The following NOSTRIN variants were observed in gnomAD, a reference collection of about 807,000 sequenced individuals.
NOSTRIN encodes the protein BM247 homolog.
In NOSTRIN, 63 loss-of-function variants were observed where a neutral mutation model predicts 59.0. The observed-to-expected ratio is 1.07, with a 90% CI of 0.87 to 1.32. NOSTRIN has a LOEUF of 1.32. NOSTRIN is among the 40% of genes most tolerant of loss of function. The pLI is 0.00. For synonymous variants in NOSTRIN, 200 were observed against 165.4 expected, an observed-to-expected ratio of 1.21 and a Z score of -1.61; for missense variants, 512 against 473.1, an observed-to-expected ratio of 1.08 and a Z score of -0.76.
At chr2:168,805,839 G>C (rs762371456) in intron 1 of NOSTRIN, among the ~76,000 whole-genome samples, 7 of 152,188 alleles carry the variant, frequency 4.6e-5, no homozygotes, top group Non-Finnish European at 7.3e-5. Context: ...GTAGCTCCTA[G>C]GAGAATCTGA....
At chr2:168,856,806 G>A in intron 12 of NOSTRIN, 28 bp downstream of exon 12, 2 of 1,594,954 alleles carry the variant, frequency 1.3e-6, no homozygotes, top group South Asian at 2.2e-5. Context: ...GCATTTCCTA[G>A]ATGTAGTGAT....
At chr2:168,807,578 T>C (rs949236281) in intron 1 of NOSTRIN, among the ~76,000 whole-genome samples, 1 of 152,202 alleles carries the variant, frequency 6.6e-6, no homozygotes, top group African/African-American at 2.4e-5. Context: ...ACATCTCTTA[T>C]CTGATCGCTA....
At chr2:168,849,441 C>T (rs963267606) in intron 8 of NOSTRIN, among the ~76,000 whole-genome samples, 8 of 151,880 alleles carry the variant, frequency 5.3e-5, no homozygotes, top group African/African-American at 1.9e-4. Flanking sequence ...CTGCAACCAC[C>T]ACCTCCCAGG....
At chr2:168,804,390 C>G (rs999571525) in intron 1 of NOSTRIN, among the ~76,000 whole-genome samples, 2 of 152,158 alleles carry the variant, frequency 1.3e-5, no homozygotes, top group African/African-American at 2.4e-5. Flanking sequence ...TCCCTTCAGC[C>G]TGGGTTTCCA....
At chr2:168,843,633 AG>A (rs1338081058) in intron 8 of NOSTRIN, among the ~76,000 whole-genome samples, 1 of 152,264 alleles carries the variant, frequency 6.6e-6, no homozygotes, top group African/African-American at 2.4e-5. Context: ...TATGTCAGCA[AG>A]CACATCACAA....
chr2:168,845,295 G>A (rs1436335024), intron 8 of NOSTRIN, among the ~76,000 whole-genome samples: 1 of 152,144 alleles, frequency 6.6e-6, no homozygotes, highest in Non-Finnish European at 1.5e-5. Context: ...TCTTTCCACT[G>A]AGGTCAGCTT....
chr2:168,812,412 T>C (rs895705654), intron 2 of NOSTRIN, among the ~76,000 whole-genome samples: 1 of 152,120 alleles, frequency 6.6e-6, no homozygotes. Context: ...TAGTAGGTTG[T>C]AGGGGAGAAA....
At chr2:168,794,810 G>C (rs896215310), upstream of NOSTRIN, among the ~76,000 whole-genome samples, 4 of 150,862 alleles carry the variant, frequency 2.7e-5, no homozygotes, top group South Asian at 8.4e-4. Flanking sequence ...GCCTAGGCAG[G>C]TCTCAAACTC....
At chr2:168,813,037 C>A (rs544409561) in intron 2 of NOSTRIN, among the ~76,000 whole-genome samples, 45 of 152,330 alleles carry the variant, frequency 3.0e-4, no homozygotes, top group Admixed American at 8.5e-4. Flanking sequence ...GAAGTAACTT[C>A]TATCCTAACA....
chr2:168,825,528 A>G (rs1047980107), intron 3 of NOSTRIN, among the ~76,000 whole-genome samples: 11 of 152,294 alleles, frequency 7.2e-5, no homozygotes, highest in Non-Finnish European at 1.3e-4. Context: ...CAGAGTAATA[A>G]TATGTGCTCT....
At chr2:168,811,695 T>C (rs1450320681) in intron 2 of NOSTRIN, 43 bp downstream of exon 2, 2 of 773,390 alleles carry the variant, frequency 2.6e-6, no homozygotes, top group Non-Finnish European at 2.3e-6. Context: ...TCCTCTTTAG[T>C]TGTAGCAAGT....
intron 1 of NOSTRIN, 118 bp downstream of exon 1, chr2:168,802,791 T>C: frequency 2.6e-6 from 2 of 781,050 alleles, no homozygotes; most frequent in East Asian, 5.2e-5. Context: ...CACATTTAGA[T>C]ATTGGCTGTG....
intron 8 of NOSTRIN, among the ~76,000 whole-genome samples, chr2:168,849,602 C>T (rs1422666590): frequency 2.0e-5 from 3 of 150,290 alleles, no homozygotes; most frequent in East Asian, 2.0e-4. Context: ...GTAGTTCACC[C>T]GTCTCGGCCT....
intron 2 of NOSTRIN, among the ~76,000 whole-genome samples, chr2:168,817,717 C>A (rs570961623): frequency 1.3e-5 from 2 of 152,184 alleles, no homozygotes; most frequent in Non-Finnish European, 2.9e-5. Flanking sequence ...CTCAGTGAGA[C>A]TCCCAAACTA....
chr2:168,851,543 C>G, intron 10 of NOSTRIN, 139 bp downstream of exon 10: 3 of 1,300,246 alleles, frequency 2.3e-6, no homozygotes, highest in Non-Finnish European at 3.1e-6. Flanking sequence ...ATTTAAAAAA[C>G]CCAGCATTCT....
upstream of NOSTRIN, chr2:168,798,242 G>A (rs1423420835): frequency 6.6e-6 from 1 of 152,090 alleles, no homozygotes; most frequent in Non-Finnish European, 1.5e-5. Context: ...TTAAATGTGG[G>A]CTCATATTAC....
chr2:168,850,032 C>A (rs888990021), intron 8 of NOSTRIN, among the ~76,000 whole-genome samples: 2 of 151,670 alleles, frequency 1.3e-5, no homozygotes, highest in Non-Finnish European at 2.9e-5. Context: ...TCTGCCTCAA[C>A]CTCCTGAGTA....
At position 168,865,172 on chromosome 2, in the gene NOSTRIN, G is replaced by A. The variant is rs949074773; in HGVS notation, c.*202G>A. The A allele has an allele frequency of 2.5e-5, 15 of 590,678 alleles. No individual in the cohort carries two copies. The highest frequency in any genetic ancestry group is 3.8e-5 in the Non-Finnish European group (13 of 346,254). 36.6% of individuals were successfully genotyped at this position (590,678 alleles called of 1,614,324 possible). A position where few individuals can be genotyped will look rare whatever the true frequency, so the allele number is the denominator to read the frequency against. On this transcript the variant is annotated 3_prime_UTR_variant, in exon 16 of 16. Coordinates refer to ENST00000317647, the MANE Select transcript of NOSTRIN (RefSeq NM_001039724.4). ...TGGATGGGTGGAGACAGACAAGGAA[G>A]AGGCTCCTTGGTTCCTAGAGGAGTT...
intron 10 of NOSTRIN, among the ~76,000 whole-genome samples, chr2:168,854,910 T>C (rs1357180538): frequency 2.0e-5 from 3 of 152,214 alleles, no homozygotes; most frequent in African/African-American, 7.2e-5. Context: ...TTCCCAGTAC[T>C]GAGCCAACAC....
Sources: allele counts gnomAD v4.1 joint callset (sites outside exome capture counted in the v4.1 genomes callset), GRCh38; gene constraint gnomAD v4.1.1; transcripts MANE v1.5; gene names NCBI Gene and HGNC (gene_info 2026-07-23, HGNC 2026-07-21).